Variants in ASAP1 observed in about 807,000 individuals in gnomAD.
The protein encoded by ASAP1 is ArfGAP with SH3 domain, ankyrin repeat and PH domain 1.
A neutral mutation model predicts 145.2 loss-of-function variants in ASAP1; 43 were observed. The ratio of observed to expected loss-of-function variants is 0.30; its 90% CI spans 0.23 to 0.38. ASAP1 has a LOEUF of 0.38. Among genes scored for constraint, ASAP1 ranks in the 10% least tolerant of loss-of-function variants. ASAP1 has a pLI of 1.00. For synonymous variants in ASAP1, 546 were observed against 515.5 expected (o/e 1.06, Z -0.80); for missense variants, 1,018 against 1,355.3 (o/e 0.75, Z 3.91).
At chr8:130,120,435 A>G (rs544641464) in intron 18 of ASAP1, among the ~76,000 whole-genome samples, 67 of 152,360 alleles carry the variant, frequency 4.4e-4, no homozygotes, top group African/African-American at 1.5e-3. Context: ...GTAAAATATT[A>G]GTAATCATAG....
chr8:130,155,477 C>T (rs1167585249), intron 12 of ASAP1, among the ~76,000 whole-genome samples: 1 of 152,186 alleles, frequency 6.6e-6, no homozygotes, highest in Non-Finnish European at 1.5e-5. Context: ...AGCGATACTC[C>T]CACCTCGGCC....
At chr8:130,333,528 T>C (rs1378612062) in intron 3 of ASAP1, among the ~76,000 whole-genome samples, 2 of 152,162 alleles carry the variant, frequency 1.3e-5, no homozygotes, top group African/African-American at 4.8e-5. Context: ...AGCTTGAACC[T>C]AGGAGGCGGA....
chr8:130,334,412 G>C (rs79903422), intron 3 of ASAP1, among the ~76,000 whole-genome samples: 2 of 152,196 alleles, frequency 1.3e-5, no homozygotes, highest in African/African-American at 2.4e-5. Context: ...AGTTCTACTT[G>C]TGTTTCACAT....
intron 27 of ASAP1, among the ~76,000 whole-genome samples, chr8:130,072,448 T>C (rs903583183): frequency 3.9e-5 from 6 of 152,292 alleles, no homozygotes; most frequent in African/African-American, 7.2e-5. Flanking sequence ...CCTGCTGCCA[T>C]GTAAGACGTG....
chr8:130,379,504 G>T (rs917602970), intron 2 of ASAP1, among the ~76,000 whole-genome samples: 5 of 151,864 alleles, frequency 3.3e-5, no homozygotes, highest in African/African-American at 4.9e-5. Flanking sequence ...ACTGGCATCT[G>T]AAGTGGGAGC....
At chr8:130,276,300 T>C (rs189435760) in intron 3 of ASAP1, among the ~76,000 whole-genome samples, 33 of 152,352 alleles carry the variant, frequency 2.2e-4, no homozygotes, top group African/African-American at 7.7e-4. Context: ...AGTGATTCCA[T>C]ATACATTCTG....
intron 28 of ASAP1, among the ~76,000 whole-genome samples, chr8:130,059,795 G>A (rs956265776): frequency 2.6e-5 from 4 of 152,070 alleles, no homozygotes; most frequent in African/African-American, 7.2e-5. Context: ...GCAACTCAGG[G>A]AGCCAGGTGC....
intron 3 of ASAP1, among the ~76,000 whole-genome samples, chr8:130,320,810 T>A (rs1319665773): frequency 6.6e-6 from 1 of 152,078 alleles, no homozygotes; most frequent in Non-Finnish European, 1.5e-5. Flanking sequence ...AAGAGTAAAA[T>A]TATCTATCCC....
chr8:130,295,447 G>A (rs141389879), intron 3 of ASAP1, among the ~76,000 whole-genome samples: 2 of 152,128 alleles, frequency 1.3e-5, no homozygotes, highest in East Asian at 3.9e-4. Flanking sequence ...GTCAGTTCTG[G>A]CACTTACTGG....
In ASAP1 at chr8:130,358,262, G is replaced by C. The variant is rs1377726322; in HGVS notation, c.60-119C>G. 8.2e-6 allele frequency: 6 copies of C among 734,530 alleles called. No individual in the cohort carries two copies. The highest frequency in any genetic ancestry group is 6.6e-5 in the East Asian group (1 of 15,044). 45.5% of individuals were successfully genotyped at this position (734,530 alleles called of 1,614,324 possible). A position where few individuals can be genotyped will look rare whatever the true frequency, so the allele number is the denominator to read the frequency against. ...GCGCGCAGCCCGCCACCCGCCGCCC[G>C]GCCTGGCGCGCGGCTCCCGTCCCCG... On this transcript the variant is annotated intron_variant, in intron 2 of 29. Transcript: ENST00000518721. This position sits in a 1 kb window ranked among gnomAD's most constrained non-coding sequence, Gnocchi z 4.1.
At chr8:130,341,011 G>T in intron 3 of ASAP1, 1 of 416,928 alleles carries the variant, frequency 2.4e-6, no homozygotes, top group South Asian at 1.7e-5. Flanking sequence ...TGGAGGGGTG[G>T]TTTTTTAGAG....
At chr8:130,103,521 G>T (rs1319316438) in intron 24 of ASAP1, among the ~76,000 whole-genome samples, 2 of 149,538 alleles carry the variant, frequency 1.3e-5, no homozygotes, top group African/African-American at 4.9e-5. Context: ...TATTTTTTTT[G>T]AGATGGAGTT....
chr8:130,361,407 A>G (rs16904254), intron 2 of ASAP1, among the ~76,000 whole-genome samples: 3,059 of 152,316 alleles, frequency 0.02, 98 homozygotes, highest in African/African-American at 0.068. Context: ...GCAAAGAAGA[A>G]AGATTATTAC....
At chr8:130,101,596 G>C (rs1053710023) in intron 24 of ASAP1, among the ~76,000 whole-genome samples, 2 of 151,472 alleles carry the variant, frequency 1.3e-5, no homozygotes, top group Non-Finnish European at 2.9e-5. Flanking sequence ...TCTGAGACAG[G>C]GTCTTTCTCT....
At chr8:130,307,305 C>T (rs934316732) in intron 3 of ASAP1, among the ~76,000 whole-genome samples, 5 of 151,772 alleles carry the variant, frequency 3.3e-5, no homozygotes, top group Admixed American at 2.0e-4. Context: ...ATTAAGTATT[C>T]AGGAAATAAT....
intron 26 of ASAP1, 144 bp downstream of exon 26, chr8:130,079,758 C>G (rs1332087965): frequency 1.3e-6 from 1 of 760,208 alleles, no homozygotes; most frequent in African/African-American, 1.7e-5. Context: ...CAAGAGTGAA[C>G]GTCTGGTTTC....
In ASAP1 at chr8:130,251,914, C is replaced by T. The variant is rs73427356; in HGVS notation, c.187-14920G>A. 2.7e-3 allele frequency among the ~76,000 whole-genome samples: 416 copies of T among 152,200 alleles called. 2 individuals are homozygous for T. Among genetic ancestry groups the T allele is most frequent in the African/African-American group, 9.4e-3 (389 of 41,538 alleles). Reference sequence around the variant, plus strand: ...GAGGCTTTGGAGAAATGGCCACAAACCATACAGAAGACAAATTATATTTCA... The same window carrying T: ...GAGGCTTTGGAGAAATGGCCACAAATCATACAGAAGACAAATTATATTTCA... On this transcript the variant is annotated intron_variant, in intron 3 of 29. Coordinates refer to ENST00000518721, the MANE Select transcript of ASAP1 (RefSeq NM_018482.4).
chr8:130,358,783 G>T lies in ASAP1; in HGVS notation c.60-640C>A, dbSNP rs1227516523. ...CCCCCGCTCGCGCACAGCCCCTGGG[G>T]CCTGGCTCCGAAGCTGCCGCTCCCG... On this transcript the variant is annotated intron_variant, in intron 2 of 29. Coordinates refer to ENST00000518721, the MANE Select transcript of ASAP1 (RefSeq NM_018482.4). The surrounding 1 kb of genome is among the most constrained non-coding windows in gnomAD (Gnocchi z 4.1). 2.0e-5 allele frequency among the ~76,000 whole-genome samples: 3 copies of T among 148,122 alleles called. No homozygotes were observed. The highest frequency in any genetic ancestry group is 7.4e-5 in the African/African-American group (3 of 40,662).
intron 12 of ASAP1, among the ~76,000 whole-genome samples, chr8:130,155,207 G>A (rs368062057): frequency 2.0e-5 from 3 of 152,036 alleles, no homozygotes; most frequent in East Asian, 1.9e-4. Flanking sequence ...ACACACGCGC[G>A]CACACACCCC....
Sources: gnomAD v4.1 joint callset for allele counts (sites outside exome capture counted in the v4.1 genomes callset) on GRCh38, gnomAD v4.1.1 for gene constraint, Gnocchi (gnomAD v3.1) non-coding constraint, MANE v1.5 for transcripts, NCBI Gene and HGNC (gene_info 2026-07-23, HGNC 2026-07-21) for gene names.